LRIG1: variants seen among roughly 807,000 people sequenced by gnomAD.
LRIG1 encodes the protein leucine rich repeats and immunoglobulin like domains 1.
In LRIG1, 48 loss-of-function variants were observed where a neutral mutation model predicts 99.2. The observed-to-expected ratio is 0.48, with a 90% CI of 0.38 to 0.62. LRIG1 has a LOEUF of 0.62. Among genes scored for constraint, LRIG1 ranks in the 20% least tolerant of loss-of-function variants. The probability of loss-of-function intolerance (pLI) is 0.00; values close to 1 mark genes in which losing one functional copy is unlikely to be tolerated. For missense variants in LRIG1, 1,646 were observed against 1,434.4 expected (o/e 1.15, Z -2.38); for synonymous variants, 772 against 596.1 (o/e 1.29, Z -4.30).
intron 1 of LRIG1, among the ~76,000 whole-genome samples, chr3:66,485,328 C>T (rs544130976): frequency 4.6e-5 from 7 of 152,128 alleles, no homozygotes; most frequent in Admixed American, 1.3e-4. Flanking sequence ...GCCACAAATC[C>T]AAGGCATGCC....
Position 66,384,200 on chromosome 3 carries a change from G to C in LRIG1, c.1862C>G (p.Ala621Gly), listed in dbSNP as rs1701250620. ...CTGAGGGTTTGGGTGACCTGTGGCA[G>C]CACATTCGAGGCGGGCCATGGTGGT... The part of the protein sequence containing the change: ...RTTTMARLEC[A>G]ATGHPNPQIA... Residue 621 changes from alanine to glycine, a missense_variant, in exon 14 of 19, where the codon GCT becomes GGT. Transcript: ENST00000273261. 6.2e-7 allele frequency: 1 copy of C among 1,614,164 alleles called. No homozygotes were observed. Among genetic ancestry groups the C allele is most frequent in the East Asian group, 2.2e-5 (1 of 44,876 alleles).
rs936077480 is a variant in LRIG1, at chr3:66,404,344, G to A, written c.1160+854C>T. 2.3e-5 allele frequency: 29 copies of A among 1,286,462 alleles called. No homozygotes were observed. The African/African-American group carries it at 2.6e-4, about 11-fold the overall frequency. 79.7% of individuals were successfully genotyped at this position (1,286,462 alleles called of 1,614,324 possible). On this transcript the variant is annotated intron_variant, in intron 9 of 18. Coordinates refer to ENST00000273261, the MANE Select transcript of LRIG1 (RefSeq NM_015541.3). The stretch of plus-strand genomic sequence containing the variant: ...TGGGGACGGGCTGGGGGAATCGAGC[G>A]GCAGCCGTCCTCTCTGTCTTGCCCT...
intron 1 of LRIG1, among the ~76,000 whole-genome samples, chr3:66,487,047 T>C (rs1280704292): frequency 6.6e-6 from 1 of 152,148 alleles, no homozygotes; most frequent in African/African-American, 2.4e-5. Flanking sequence ...TAACAATAAC[T>C]CCACGGCGTC....
At chr3:66,415,350 C>G (rs1376363012) in intron 4 of LRIG1, among the ~76,000 whole-genome samples, 1 of 152,142 alleles carries the variant, frequency 6.6e-6, no homozygotes, top group African/African-American at 2.4e-5. Flanking sequence ...AAGTCAAACA[C>G]CCCCATGCCC....
intron 3 of LRIG1, among the ~76,000 whole-genome samples, chr3:66,438,257 C>G (rs1404108342): frequency 6.6e-6 from 1 of 152,176 alleles, no homozygotes; most frequent in East Asian, 1.9e-4. Flanking sequence ...CACAGCTCAG[C>G]CGGCCTTCTC....
intron 11 of LRIG1, among the ~76,000 whole-genome samples, chr3:66,396,319 G>A (rs766587606): frequency 6.6e-6 from 1 of 152,254 alleles, no homozygotes; most frequent in Admixed American, 6.5e-5. Flanking sequence ...TCCACCCGTG[G>A]AGAGCACAGC....
rs1700930013 is a variant in LRIG1 at position 66,379,908 on chromosome 3, C to G, written c.*355G>C. On this transcript the variant is annotated 3_prime_UTR_variant, in exon 19 of 19. Coordinates refer to ENST00000273261, the MANE Select transcript of LRIG1 (RefSeq NM_015541.3). ...GCGTTAAGGCACCAGAACTATTTCC[C>G]CACCCCCTCCAAAATTAAACAGCAA... The G allele has an allele frequency of 6.3e-6, 1 of 158,456 alleles. No homozygotes were observed. The highest frequency in any genetic ancestry group is 6.4e-5 in the Admixed American group (1 of 15,646). The allele number at this position is 158,456 out of a possible 1,614,324, so 9.8% of individuals were successfully genotyped here.
At chr3:66,420,105 A>C (rs898586160) in intron 3 of LRIG1, among the ~76,000 whole-genome samples, 3 of 152,234 alleles carry the variant, frequency 2.0e-5, no homozygotes, top group African/African-American at 7.2e-5. Context: ...ACAACAACAA[A>C]AAACAACCAA....
chr3:66,445,321 C>G (rs1385593862), intron 3 of LRIG1, among the ~76,000 whole-genome samples: 2 of 151,880 alleles, frequency 1.3e-5, no homozygotes, highest in Non-Finnish European at 2.9e-5. Flanking sequence ...ACGGACTGGC[C>G]ATCCTTCAAT....
intron 17 of LRIG1, 50 bp from the exon 18 acceptor site, chr3:66,380,911 C>T (rs764637843): frequency 2.0e-5 from 32 of 1,580,348 alleles, no homozygotes; most frequent in Admixed American, 1.0e-4. Flanking sequence ...TGGGAGTCTT[C>T]GTCCCCACAC....
At chr3:66,419,473 A>T (rs932811362) in intron 3 of LRIG1, among the ~76,000 whole-genome samples, 1 of 152,154 alleles carries the variant, frequency 6.6e-6, no homozygotes, top group African/African-American at 2.4e-5. Flanking sequence ...AGTGAGGGCC[A>T]CAGTGGCAGG....
intron 13 of LRIG1, among the ~76,000 whole-genome samples, chr3:66,385,472 TGA>T: frequency 8.8e-6 from 1 of 113,238 alleles, no homozygotes; most frequent in African/African-American, 3.1e-5. Context: ...GTTTTGTTTT[TGA>T]GACAGTCTCA....
rs1272437623 is a variant in LRIG1, at chr3:66,479,750, C to CA, written c.219-17242dup. 2.0e-5 allele frequency among the ~76,000 whole-genome samples: 3 copies of CA among 152,206 alleles called. No homozygotes were observed. The South Asian group carries it at 6.2e-4, about 32-fold the overall frequency. ...ATCAAAACCACAACACAAGATACCA[C>CA]AACACACCCACTAGGATGGCTAAAA... On this transcript the variant is annotated intron_variant, in intron 1 of 18. Transcript: ENST00000273261.
At chr3:66,461,351 A>C (rs1341426108) in intron 2 of LRIG1, among the ~76,000 whole-genome samples, 1 of 152,200 alleles carries the variant, frequency 6.6e-6, no homozygotes, top group Admixed American at 6.5e-5. Flanking sequence ...GACTTTTATC[A>C]GTTACTCATA....
At chr3:66,485,236 T>G (rs1171139417) in intron 1 of LRIG1, among the ~76,000 whole-genome samples, 1 of 151,902 alleles carries the variant, frequency 6.6e-6, no homozygotes, top group East Asian at 1.9e-4. Context: ...GCTGCTACAT[T>G]CCTTTTCTTT....
intron 11 of LRIG1, among the ~76,000 whole-genome samples, chr3:66,394,482 C>T: frequency 6.6e-6 from 1 of 152,196 alleles, no homozygotes; most frequent in Admixed American, 6.5e-5. Context: ...GGGCTGCTGA[C>T]CCAAGGACCG....
intron 9 of LRIG1, chr3:66,401,596 G>GC: frequency 6.7e-7 from 1 of 1,496,904 alleles, no homozygotes; most frequent in South Asian, 1.3e-5. Flanking sequence ...GGTAGATTAG[G>GC]CAGGGTCCTT....
chr3:66,406,416 A>G, intron 8 of LRIG1: 2 of 985,286 alleles, frequency 2.0e-6, no homozygotes, highest in Non-Finnish European at 2.4e-6. Context: ...TGGGCCTTGT[A>G]TGGGCTCACA....
chr3:66,469,896 C>G (rs1038572263), intron 1 of LRIG1, among the ~76,000 whole-genome samples: 16 of 113,690 alleles, frequency 1.4e-4, no homozygotes, highest in Non-Finnish European at 2.7e-4. Context: ...ATAGTGAGAC[C>G]CTGTCCCTAC....
Sources: gnomAD v4.1 joint callset for allele counts (sites outside exome capture counted in the v4.1 genomes callset) on GRCh38, gnomAD v4.1.1 for gene constraint, MANE v1.5 for transcripts, NCBI Gene and HGNC (gene_info 2026-07-23, HGNC 2026-07-21) for gene names.